The following CHAT variants were observed in gnomAD, a reference collection of about 807,000 sequenced individuals.
CHAT encodes the protein choline O-acetyltransferase.
A neutral mutation model predicts 76.9 loss-of-function variants in CHAT; 61 were observed. The ratio of observed to expected loss-of-function variants is 0.79; its 90% CI spans 0.65 to 0.98. The LOEUF is 0.98. Among genes scored for constraint, CHAT ranks in the 50% least tolerant of loss-of-function variants. The probability of loss-of-function intolerance (pLI) is 0.00; values close to 1 mark genes in which losing one functional copy is unlikely to be tolerated. For missense variants in CHAT, 946 were observed against 986.9 expected, an observed-to-expected ratio of 0.96 and a Z score of 0.56; for synonymous variants, 407 against 397.4, an observed-to-expected ratio of 1.02 and a Z score of -0.29.
chr10:49,643,575 G>C (rs752698428), intron 7 of CHAT, among the ~76,000 whole-genome samples: 3 of 152,198 alleles, frequency 2.0e-5, no homozygotes, highest in Non-Finnish European at 4.4e-5. Context: ...AAGGAGGGGA[G>C]AAGGGCAGAG....
chr10:49,646,842 G>A (rs1164193705), intron 8 of CHAT, among the ~76,000 whole-genome samples, 168 bp downstream of exon 8: 1 of 152,206 alleles, frequency 6.6e-6, no homozygotes, highest in African/African-American at 2.4e-5. Flanking sequence ...CAGGAGAGCT[G>A]GAGGGGTCTG....
rs1840324554 is a variant in CHAT at position 49,665,574 on chromosome 10, G to A, written c.*528G>A. ...GTGGCATTCCCAGTGTCTCCACTGAGCCGTACAGTCCTACAAGCACCCACT... is the reference window on the plus strand; with the variant it reads ...GTGGCATTCCCAGTGTCTCCACTGAACCGTACAGTCCTACAAGCACCCACT... On this transcript the variant is annotated 3_prime_UTR_variant, in exon 15 of 15. Coordinates refer to ENST00000337653, the MANE Select transcript of CHAT (RefSeq NM_020549.5). Among the ~76,000 whole-genome samples, 2 of 152,060 alleles carry A rather than the reference G, an allele frequency of 1.3e-5. No homozygotes were observed. Among genetic ancestry groups the A allele is most frequent in the Admixed American group, 6.5e-5 (1 of 15,280 alleles).
In CHAT at chr10:49,667,165, G is replaced by A. The variant is rs1840356188; in HGVS notation, c.*2119G>A. Among the ~76,000 whole-genome samples, 1 of 152,268 alleles carries A rather than the reference G, an allele frequency of 6.6e-6. No homozygotes were observed. Among genetic ancestry groups the A allele is most frequent in the Non-Finnish European group, 1.5e-5 (1 of 68,026 alleles). Reference sequence around the variant, plus strand: ...ATTTGCCTTTGTCTGGAGTCTGCCAGCAGCAGTAGCTAATGTCTAAAAGAC... The same window carrying A: ...ATTTGCCTTTGTCTGGAGTCTGCCAACAGCAGTAGCTAATGTCTAAAAGAC... On this transcript the variant is annotated 3_prime_UTR_variant, in exon 15 of 15. Transcript: ENST00000337653.
chr10:49,651,399 C>T (rs541333875), intron 10 of CHAT, among the ~76,000 whole-genome samples: 1 of 152,256 alleles, frequency 6.6e-6, no homozygotes, highest in Admixed American at 6.5e-5. Flanking sequence ...TGGGGAGGCA[C>T]ATAGACCTTG....
Position 49,619,859 on chromosome 10 carries a change from C to T in CHAT, c.522C>T (p.Gly174=), listed in dbSNP as rs765982984. 1 of 1,613,534 alleles carries T rather than the reference C, an allele frequency of 6.2e-7. No homozygotes were observed. Among genetic ancestry groups the T allele is most frequent in the South Asian group, 1.1e-5 (1 of 90,782 alleles). ...TGCAGCAGTTTGGGGCCCCTGGTGG[C>T]CTCGGCGAGACCCTGCAGCAGAAAC... ...AIVQQFGAPG[G]LGETLQQKLL... Residue 174 remains glycine (G), a synonymous_variant, in exon 3 of 15, where the codon GGC becomes GGT. Coordinates refer to ENST00000337653, the MANE Select transcript of CHAT (RefSeq NM_020549.5).
chr10:49,638,231 T>C (rs1839358704), intron 7 of CHAT, among the ~76,000 whole-genome samples: 1 of 152,244 alleles, frequency 6.6e-6, no homozygotes, highest in African/African-American at 2.4e-5. Context: ...AAAGTGTACT[T>C]TACCTGACAT....
upstream of CHAT, chr10:49,612,317 A>C: frequency 6.3e-7 from 1 of 1,598,630 alleles, no homozygotes; most frequent in Non-Finnish European, 8.5e-7. Context: ...GACGACTACA[A>C]CTACTACTAC....
At chr10:49,659,504 A>G (rs981009329) in intron 13 of CHAT, among the ~76,000 whole-genome samples, 3 of 152,250 alleles carry the variant, frequency 2.0e-5, no homozygotes, top group African/African-American at 7.2e-5. Flanking sequence ...CAATCAGTCC[A>G]TAAAGAAGCA....
At position 49,646,596 on chromosome 10, in the gene CHAT, C is replaced by A. The variant is rs1396910859; in HGVS notation, c.1203C>A (p.Thr401=). The change falls in exon 8 of 15, where the codon ACC becomes ACA. Residue 401 remains threonine (T), a synonymous_variant. Coordinates refer to ENST00000337653, the MANE Select transcript of CHAT (RefSeq NM_020549.5). ...DAPGGVELSD[T]HRALQLLHGG... ...CAGGAGGCGTGGAGCTCAGCGACAC[C>A]CACAGGGCACTCCAGCTCCTTCACG... is the stretch of plus-strand genomic sequence containing the variant. 2 of 1,614,092 alleles carry A rather than the reference C, an allele frequency of 1.2e-6. No individual in the cohort carries two copies. The highest frequency in any genetic ancestry group is 3.3e-5 in the Admixed American group (2 of 60,016).
At position 49,662,530 on chromosome 10, in the gene CHAT, A is replaced by G. The variant is rs909134356; in HGVS notation, c.1840-115A>G. On this transcript the variant is annotated intron_variant, in intron 13 of 14. Coordinates refer to ENST00000337653, the MANE Select transcript of CHAT (RefSeq NM_020549.5). Reference sequence around the variant, plus strand: ...ACATTGTTGGCAGCAGGCACTGGGTAAGCATGAGCCGTGGCTGCTGGAGTC... The same window carrying G: ...ACATTGTTGGCAGCAGGCACTGGGTGAGCATGAGCCGTGGCTGCTGGAGTC... 5 of 1,346,244 alleles carry G rather than the reference A, an allele frequency of 3.7e-6. No homozygotes were observed. The East Asian group carries it at 9.2e-5, about 25-fold the overall frequency. The allele number at this position is 1,346,244 out of a possible 1,614,324, so 83.4% of individuals were successfully genotyped here. A position where few individuals can be genotyped will look rare whatever the true frequency, so the allele number is the denominator to read the frequency against.
chr10:49,652,096 G>C, intron 11 of CHAT, 90 bp downstream of exon 11: 1 of 1,566,486 alleles, frequency 6.4e-7, no homozygotes, highest in African/African-American at 1.4e-5. Context: ...TGGAGGGAGG[G>C]ACAGCCTTCT....
Position 49,614,113 on chromosome 10 carries a change from G to T in CHAT, c.-77G>T. 1 of 1,544,902 alleles carries T rather than the reference G, an allele frequency of 6.5e-7. No individual in the cohort carries two copies. Among genetic ancestry groups the T allele is most frequent in the Non-Finnish European group, 8.7e-7 (1 of 1,146,260 alleles). The stretch of plus-strand genomic sequence containing the variant: ...CTTCTAGAGCCTAAATTTGTTGCCC[G>T]AGTTCCTCCGGGAAGCGCTCCGGGT... On this transcript the variant is annotated 5_prime_UTR_variant, in exon 1 of 15. Coordinates refer to ENST00000337653, the MANE Select transcript of CHAT (RefSeq NM_020549.5).
Position 49,614,054 on chromosome 10 carries a change from C to A in CHAT, c.-136C>A. 1 of 1,451,836 alleles carries A rather than the reference C, an allele frequency of 6.9e-7. No individual in the cohort carries two copies. Among genetic ancestry groups the A allele is most frequent in the Non-Finnish European group, 9.3e-7 (1 of 1,070,908 alleles). The allele number at this position is 1,451,836 out of a possible 1,614,324, so 89.9% of individuals were successfully genotyped here. A position where few individuals can be genotyped will look rare whatever the true frequency, so the allele number is the denominator to read the frequency against. ...TGACTGGGAAATGCTGAGCTAGGGGCAGGAGGCATGGGCGGGACAGTGTTC... is the reference window on the plus strand; with the variant it reads ...TGACTGGGAAATGCTGAGCTAGGGGAAGGAGGCATGGGCGGGACAGTGTTC... On this transcript the variant is annotated 5_prime_UTR_variant, in exon 1 of 15. Coordinates refer to ENST00000337653, the MANE Select transcript of CHAT (RefSeq NM_020549.5).
chr10:49,641,228 C>T (rs1021475083), intron 7 of CHAT, among the ~76,000 whole-genome samples: 5 of 152,212 alleles, frequency 3.3e-5, no homozygotes, highest in African/African-American at 1.2e-4. Context: ...TAGAGTCACA[C>T]TGAGAGCTGA....
chr10:49,641,888 A>G (rs910573907), intron 7 of CHAT, among the ~76,000 whole-genome samples: 4 of 152,198 alleles, frequency 2.6e-5, no homozygotes, highest in African/African-American at 9.6e-5. Flanking sequence ...ATTAAAGAAC[A>G]TCTCCTGAGT....
chr10:49,644,939 G>A (rs1303349512), intron 7 of CHAT, among the ~76,000 whole-genome samples: 1 of 152,196 alleles, frequency 6.6e-6, no homozygotes, highest in Non-Finnish European at 1.5e-5. Context: ...AAACGCAGGC[G>A]AGAGCTCCCA....
upstream of CHAT, chr10:49,611,834 C>T (rs1355998513): frequency 6.9e-6 from 11 of 1,604,234 alleles, no homozygotes; most frequent in Middle Eastern, 4.9e-4. Context: ...CTTGGGCTGG[C>T]TGTGATCGGC....
At position 49,627,760 on chromosome 10, in the gene CHAT, C is replaced by T. The variant is rs374870408; in HGVS notation, c.1086C>T (p.Ala362=). 238 of 1,613,796 alleles carry T rather than the reference C, an allele frequency of 1.5e-4. No homozygotes were observed. Among genetic ancestry groups the T allele is most frequent in the Non-Finnish European group, 1.9e-4 (224 of 1,179,886 alleles). The change falls in exon 7 of 15, where the codon GCC becomes GCT. Residue 362 remains alanine (A), a synonymous_variant. Transcript: ENST00000337653. The part of the protein sequence containing the change: ...LLTSDGRSEW[A]EARTVLVKDS... The stretch of plus-strand genomic sequence containing the variant: ...CGTCTGACGGGAGGAGCGAGTGGGC[C>T]GAGGCCAGGACGGTCCTCGTGAAAG...
chr10:49,625,749 C>A, intron 6 of CHAT, 96 bp downstream of exon 6: 1 of 1,293,526 alleles, frequency 7.7e-7, no homozygotes, highest in Non-Finnish European at 1.1e-6. Flanking sequence ...CAGCCTCCTT[C>A]CCTGAGTCAC....
Sources: gnomAD v4.1 joint callset for allele counts (sites outside exome capture counted in the v4.1 genomes callset) on GRCh38, gnomAD v4.1.1 for gene constraint, MANE v1.5 for transcripts, NCBI Gene and HGNC (gene_info 2026-07-23, HGNC 2026-07-21) for gene names.